EIPR1: variants seen among roughly 807,000 people sequenced by gnomAD.
EIPR1 encodes EARP complex and GARP complex interacting protein 1.
A neutral mutation model predicts 48.1 loss-of-function variants in EIPR1; 25 were observed. The ratio of observed to expected loss-of-function variants is 0.52; its 90% CI spans 0.38 to 0.73. EIPR1 has a LOEUF of 0.73. Ranked by LOEUF, EIPR1 falls within the 30% of genes least tolerant of loss-of-function variation. EIPR1 has a pLI of 0.00. For synonymous variants in EIPR1, 204 were observed against 201.9 expected (o/e 1.01, Z -0.09); for missense variants, 415 against 506.2 (o/e 0.82, Z 1.73).
chr2:3,240,846 C>A (rs1306315471), intron 4 of EIPR1, among the ~76,000 whole-genome samples: 4 of 131,296 alleles, frequency 3.0e-5, no homozygotes, highest in Admixed American at 7.6e-5. Context: ...CTTCCTAAAG[C>A]AAAGCCAGCA....
intron 5 of EIPR1, among the ~76,000 whole-genome samples, chr2:3,203,562 A>G (rs1159603832): frequency 6.6e-6 from 1 of 152,222 alleles, no homozygotes; most frequent in Non-Finnish European, 1.5e-5. Flanking sequence ...GGGTAGATAA[A>G]AAAAGCAGAG....
intron 4 of EIPR1, among the ~76,000 whole-genome samples, chr2:3,246,882 AG>A (rs1290896737): frequency 1.1e-4 from 6 of 55,756 alleles, no homozygotes; most frequent in African/African-American, 2.2e-4. Context: ...GGAGGGAGGG[AG>A]GGAGGGAGGG....
intron 3 of EIPR1, chr2:3,319,058 A>G (rs1333431722): frequency 4.6e-6 from 2 of 433,200 alleles, no homozygotes; most frequent in Non-Finnish European, 9.6e-6. Flanking sequence ...CAGAAAGGAG[A>G]AAAGTGTTTA....
chr2:3,306,197 G>C (rs567933535), intron 3 of EIPR1, among the ~76,000 whole-genome samples: 1 of 152,122 alleles, frequency 6.6e-6, no homozygotes, highest in Non-Finnish European at 1.5e-5. Context: ...GTCCCGCCCC[G>C]CCCCTTCCCT....
At chr2:3,254,602 A>G (rs1173515020) in intron 4 of EIPR1, among the ~76,000 whole-genome samples, 3 of 152,244 alleles carry the variant, frequency 2.0e-5, no homozygotes, top group Non-Finnish European at 2.9e-5. Context: ...AACATCAGTT[A>G]TTAAAGGTTA....
intron 2 of EIPR1, among the ~76,000 whole-genome samples, chr2:3,345,029 G>A (rs368058559): frequency 7.9e-5 from 12 of 152,176 alleles, no homozygotes; most frequent in East Asian, 3.9e-4. Flanking sequence ...ACACTCGGCA[G>A]TGGGAGAGAA....
chr2:3,237,557 C>T (rs551014806), intron 4 of EIPR1, among the ~76,000 whole-genome samples: 2 of 152,172 alleles, frequency 1.3e-5, no homozygotes, highest in Non-Finnish European at 1.5e-5. Context: ...CACTATCAGC[C>T]GTTTCAGGGG....
chr2:3,306,470 C>T (rs1212956617), intron 3 of EIPR1, among the ~76,000 whole-genome samples: 1 of 152,124 alleles, frequency 6.6e-6, no homozygotes, highest in Non-Finnish European at 1.5e-5. Flanking sequence ...GCACCAAACC[C>T]CAACACAACT....
chr2:3,189,305 A>G lies in EIPR1; in HGVS notation c.*29T>C, dbSNP rs1295624401. 1 of 1,532,326 alleles carries G rather than the reference A, an allele frequency of 6.5e-7. No homozygotes were observed. Among genetic ancestry groups the G allele is most frequent in the Non-Finnish European group, 8.9e-7 (1 of 1,129,644 alleles). The allele number at this position is 1,532,326 out of a possible 1,614,324, so 94.9% of individuals were successfully genotyped here. On this transcript the variant is annotated 3_prime_UTR_variant, in exon 9 of 9. Coordinates refer to ENST00000382125, the MANE Select transcript of EIPR1 (RefSeq NM_003310.5). This position sits in a 1 kb window ranked among gnomAD's most constrained non-coding sequence, Gnocchi z 4.6. ...AATCTGCCAAGAGGAAAACCACTCA[A>G]TGGGACCTGGATAACCCAGGCCCGG...
chr2:3,289,145 G>A (rs1000289626), intron 3 of EIPR1, among the ~76,000 whole-genome samples: 5 of 152,222 alleles, frequency 3.3e-5, no homozygotes, highest in Admixed American at 1.3e-4. Flanking sequence ...GGGGAGACAA[G>A]CGAGGATTTG....
chr2:3,204,802 G>A (rs1270973381), intron 5 of EIPR1, among the ~76,000 whole-genome samples: 1 of 152,164 alleles, frequency 6.6e-6, no homozygotes, highest in African/African-American at 2.4e-5. Flanking sequence ...TGGAGGACAG[G>A]AAAACTACAG....
intron 4 of EIPR1, among the ~76,000 whole-genome samples, chr2:3,250,532 G>A (rs1666969921): frequency 6.6e-6 from 1 of 152,212 alleles, no homozygotes; most frequent in East Asian, 1.9e-4. Context: ...GACCTTGGGG[G>A]ACTACTGGAA....
At chr2:3,210,146 T>C (rs1346577826) in intron 5 of EIPR1, among the ~76,000 whole-genome samples, 2 of 151,750 alleles carry the variant, frequency 1.3e-5, no homozygotes, top group African/African-American at 2.4e-5. Context: ...CCACTCAATT[T>C]TGCCGTGAAC....
chr2:3,304,266 G>A (rs973550341), intron 3 of EIPR1, among the ~76,000 whole-genome samples: 2 of 152,182 alleles, frequency 1.3e-5, no homozygotes, highest in African/African-American at 4.8e-5. Flanking sequence ...AGATGGCCAG[G>A]GCTGAGGAAC....
intron 3 of EIPR1, among the ~76,000 whole-genome samples, chr2:3,298,906 G>T (rs1453381621): frequency 3.3e-5 from 5 of 152,086 alleles, no homozygotes; most frequent in Non-Finnish European, 5.9e-5. Context: ...CCTTCCAGGG[G>T]ACATCGTCTG....
intron 2 of EIPR1, among the ~76,000 whole-genome samples, chr2:3,349,688 C>A (rs561902414): frequency 6.7e-6 from 1 of 150,260 alleles, no homozygotes; most frequent in African/African-American, 2.5e-5. Context: ...ACAGGGAGGA[C>A]GCTGTGAGAT....
chr2:3,287,667 C>T (rs1227362275), intron 3 of EIPR1, among the ~76,000 whole-genome samples: 5 of 151,486 alleles, frequency 3.3e-5, no homozygotes, highest in South Asian at 2.1e-4. Context: ...CACCACAATC[C>T]GGAAAGCGCG....
At chr2:3,318,718 C>T (rs1425613266) in intron 3 of EIPR1, 3 of 390,754 alleles carry the variant, frequency 7.7e-6, no homozygotes, top group South Asian at 1.9e-5. Flanking sequence ...AGCTCTGTCC[C>T]GGCAATCAGA....
chr2:3,240,755 T>TGAGC (rs1210364585), intron 4 of EIPR1, among the ~76,000 whole-genome samples: 26 of 40,444 alleles, frequency 6.4e-4, no homozygotes, highest in Admixed American at 1.3e-3. Flanking sequence ...GCAAAGCCAG[T>TGAGC]AGATCCCTCC....
Sources: allele counts gnomAD v4.1 joint callset (sites outside exome capture counted in the v4.1 genomes callset), GRCh38; gene constraint gnomAD v4.1.1; non-coding constraint Gnocchi (gnomAD v3.1); transcripts MANE v1.5; gene names NCBI Gene and HGNC (gene_info 2026-07-23, HGNC 2026-07-21).